BLTP2: variants seen among roughly 807,000 people sequenced by gnomAD.
BLTP2 encodes bridge-like lipid transfer protein family member 2.
chr17:28,614,864 G>A, the BLTP2 span: 1 of 552,442 alleles, frequency 1.8e-6, no homozygotes. Flanking sequence ...CTCTGGCCCT[G>A]AGCCTGATCA....
At chr17:28,615,757 C>T in the BLTP2 span, 1 of 1,614,070 alleles carries the variant, frequency 6.2e-7, no homozygotes, top group Non-Finnish European at 8.5e-7. Context: ...GACAGGGCAG[C>T]ACCAGGTTAA....
chr17:28,629,010 A>G, the BLTP2 span, among the ~76,000 whole-genome samples: 1 of 151,594 alleles, frequency 6.6e-6, no homozygotes, highest in Non-Finnish European at 1.5e-5. Context: ...CTTGGCTTTT[A>G]TATTATATTA....
At chr17:28,634,141 C>T in the BLTP2 span, 21 of 1,481,514 alleles carry the variant, frequency 1.4e-5, no homozygotes, top group South Asian at 1.2e-4. Flanking sequence ...TGAGCACTCT[C>T]GGGCCTATCT....
At chr17:28,636,778 C>A in the BLTP2 span, among the ~76,000 whole-genome samples, 3 of 152,034 alleles carry the variant, frequency 2.0e-5, no homozygotes, top group Non-Finnish European at 2.9e-5. Flanking sequence ...GTGGCTCACA[C>A]CTGTAATCCC....
At chr17:28,640,559 C>T in the BLTP2 span, 1 of 1,614,104 alleles carries the variant, frequency 6.2e-7, no homozygotes, top group Non-Finnish European at 8.5e-7. Context: ...AGAGACCTCA[C>T]CTCTTTTGAC....
the BLTP2 span, chr17:28,615,134 C>G: frequency 6.2e-7 from 1 of 1,614,106 alleles, no homozygotes; most frequent in South Asian, 1.1e-5. Flanking sequence ...AATGAGGAGC[C>G]GGGCTTTCTC....
At chr17:28,635,124 G>A in the BLTP2 span, 35 of 1,613,834 alleles carry the variant, frequency 2.2e-5, no homozygotes, top group Middle Eastern at 3.3e-4. Flanking sequence ...AGACTGAGCC[G>A]AAAGAGAGGA....
At chr17:28,640,047 C>G in the BLTP2 span, 1 of 1,611,146 alleles carries the variant, frequency 6.2e-7, no homozygotes, top group African/African-American at 1.3e-5. Flanking sequence ...CAGATTCCAG[C>G]TCAGGAAGAT....
chr17:28,628,788 G>A, the BLTP2 span, among the ~76,000 whole-genome samples: 142 of 152,232 alleles, frequency 9.3e-4, no homozygotes, highest in Admixed American at 3.3e-3. Context: ...CAAAAAATTA[G>A]CTGGGCATGG....
At chr17:28,633,918 A>C in the BLTP2 span, 2 of 1,614,114 alleles carry the variant, frequency 1.2e-6, no homozygotes, top group Non-Finnish European at 1.7e-6. Flanking sequence ...GTAGAATTTG[A>C]GTGGGGGCAT....
At chr17:28,641,856 G>C in the BLTP2 span, 1 of 1,571,168 alleles carries the variant, frequency 6.4e-7, no homozygotes, top group Non-Finnish European at 8.7e-7. Context: ...CTGAGAACAA[G>C]GCAGCCAAGA....
At chr17:28,635,279 AG>A in the BLTP2 span, 1 of 1,614,216 alleles carries the variant, frequency 6.2e-7, no homozygotes, top group Non-Finnish European at 8.5e-7. Flanking sequence ...AGCTCTGGAC[AG>A]TATGCCTGCA....
At chr17:28,632,851 T>TC in the BLTP2 span, 2 of 939,304 alleles carry the variant, frequency 2.1e-6, no homozygotes, top group Non-Finnish European at 3.0e-6. Context: ...TCCCCTCCCC[T>TC]CCCCTCCCCA....
chr17:28,639,410 A>C, the BLTP2 span: 1 of 1,613,864 alleles, frequency 6.2e-7, no homozygotes, highest in South Asian at 1.1e-5. Flanking sequence ...GCCGGTAGTG[A>C]ATGATGCAAG....
the BLTP2 span, among the ~76,000 whole-genome samples, chr17:28,624,721 T>C: frequency 6.6e-6 from 1 of 152,326 alleles, no homozygotes; most frequent in Non-Finnish European, 1.5e-5. Context: ...TTATTTTACA[T>C]GTTATTTGAC....
chr17:28,629,080 T>C, the BLTP2 span, among the ~76,000 whole-genome samples: 7 of 152,114 alleles, frequency 4.6e-5, no homozygotes, highest in African/African-American at 1.7e-4. Context: ...AGAGTTCCTC[T>C]AAAATTTTTT....
At chr17:28,616,466 A>G in the BLTP2 span, 14 of 1,614,004 alleles carry the variant, frequency 8.7e-6, no homozygotes, top group Middle Eastern at 4.9e-4. The surrounding 1 kb of genome is among the most constrained non-coding windows in gnomAD (Gnocchi z 4.8). Context: ...GTGGTACTGC[A>G]TCATCTGTTG....
the BLTP2 span, chr17:28,615,198 G>A: frequency 1.1e-5 from 18 of 1,613,574 alleles, no homozygotes; most frequent in East Asian, 4.5e-5. Flanking sequence ...AGCTTTCCCC[G>A]GACCTCAGAG....
the BLTP2 span, among the ~76,000 whole-genome samples, chr17:28,631,088 A>G: frequency 2.0e-5 from 3 of 152,316 alleles, no homozygotes; most frequent in Admixed American, 1.3e-4. Flanking sequence ...CCCCAAATTC[A>G]TATGTTGAAG....
Sources: gnomAD v4.1 joint callset for allele counts (sites outside exome capture counted in the v4.1 genomes callset) on GRCh38, gnomAD v4.1.1 for gene constraint, Gnocchi (gnomAD v3.1) non-coding constraint, MANE v1.5 for transcripts, NCBI Gene and HGNC (gene_info 2026-07-23, HGNC 2026-07-21) for gene names.